The following ZNF284 variants were observed in gnomAD, a reference collection of about 807,000 sequenced individuals.
The protein encoded by ZNF284 is zinc finger protein 284.
Under a neutral mutation model 12.9 loss-of-function variants are expected in ZNF284, and 12 were observed. That is an observed-to-expected ratio of 0.93 (90% CI 0.60 to 1.51). The LOEUF (loss-of-function observed/expected upper bound fraction) is 1.51, where lower values mean the gene tolerates loss of function less well. Ranked by LOEUF, ZNF284 falls within the 40% of genes most tolerant of loss-of-function variation. The pLI, the probability that ZNF284 is intolerant of heterozygous loss-of-function variation, is 0.00. For synonymous variants in ZNF284, 225 were observed against 236.5 expected, an observed-to-expected ratio of 0.95 and a Z score of 0.45; for missense variants, 667 against 707.3, an observed-to-expected ratio of 0.94 and a Z score of 0.65.
At chr19:44,078,391 A>T (rs1379213609) in intron 2 of ZNF284, among the ~76,000 whole-genome samples, 2 of 152,212 alleles carry the variant, frequency 1.3e-5, no homozygotes, top group Non-Finnish European at 2.9e-5. Context: ...TTGAGATCTG[A>T]CATATATGAT....
intron 4 of ZNF284, among the ~76,000 whole-genome samples, chr19:44,083,504 G>GTATATATATATAT (rs1568522612): frequency 1.1e-5 from 1 of 88,102 alleles, no homozygotes; most frequent in South Asian, 4.5e-4. Flanking sequence ...GAGAGAGAGG[G>GTATATATATATAT]AATGGAATAC....
intron 4 of ZNF284, 143 bp from the exon 5 acceptor site, chr19:44,085,571 C>T (rs963900679): frequency 9.9e-6 from 7 of 710,526 alleles, no homozygotes; most frequent in Admixed American, 6.1e-5. Flanking sequence ...TTCGTGACAA[C>T]GAGAGACCGT....
chr19:44,084,047 T>C (rs1216931380), intron 4 of ZNF284, among the ~76,000 whole-genome samples: 1 of 152,168 alleles, frequency 6.6e-6, no homozygotes, highest in African/African-American at 2.4e-5. Flanking sequence ...TGCTCATGCC[T>C]GGGGCAACCA....
At chr19:44,085,515 C>A (rs1389765877) in intron 4 of ZNF284, among the ~76,000 whole-genome samples, 199 bp from the exon 5 acceptor site, 2 of 152,122 alleles carry the variant, frequency 1.3e-5, no homozygotes, top group African/African-American at 2.4e-5. Flanking sequence ...TAAATTAAGT[C>A]TTTCATTTCT....
intron 2 of ZNF284, among the ~76,000 whole-genome samples, chr19:44,079,928 C>T (rs1335961617): frequency 6.6e-6 from 1 of 150,810 alleles, no homozygotes; most frequent in African/African-American, 2.4e-5. Context: ...AACTCCGTCT[C>T]AAAAAAAAGA....
chr19:44,086,459 A>G lies in ZNF284; in HGVS notation c.981A>G (p.Arg327=), dbSNP rs1229062075. The G allele has an allele frequency of 1.2e-6, 2 of 1,614,176 alleles. No individual in the cohort carries two copies. Among genetic ancestry groups the G allele is most frequent in the Non-Finnish European group, 1.7e-6 (2 of 1,180,036 alleles). ...CDTCSNSFGQ[R]SALNSHCMDH... ...CCTGTAGTAATAGCTTTGGTCAGAG[A>G]TCAGCACTTAATAGTCATTGCATGG... The change falls in exon 5 of 5, where the codon AGA becomes AGG. Residue 327 remains arginine, a synonymous_variant. Transcript: ENST00000421176.
intron 2 of ZNF284, among the ~76,000 whole-genome samples, chr19:44,076,885 T>TCTCGGCTCACTGCAAC (rs910754125): frequency 1.2e-4 from 18 of 151,412 alleles, no homozygotes; most frequent in Admixed American, 2.6e-4. Context: ...GGTGGCGCAA[T>TCTCGGCTCACTGCAAC]CTCGGCTCAC....
At chr19:44,078,830 G>A (rs1339548079) in intron 2 of ZNF284, among the ~76,000 whole-genome samples, 1 of 151,888 alleles carries the variant, frequency 6.6e-6, no homozygotes, top group African/African-American at 2.4e-5. Context: ...TTGCTGTGTT[G>A]CCCAGGCTGG....
rs142880841 is a variant in ZNF284, at chr19:44,087,767, CTT to C, written c.*524_*525del. On this transcript the variant is annotated 3_prime_UTR_variant, in exon 5 of 5. Transcript: ENST00000421176. Reference sequence around the variant, plus strand: ...CCACCACGCCCAGCTAATTTTTGTACTTTTTTTTTTTTTTTTTTGAGACAGAG... The same window carrying C: ...CCACCACGCCCAGCTAATTTTTGTACTTTTTTTTTTTTTTTTGAGACAGAG... The C allele has an allele frequency of 0.76, 93,215 of 122,522 alleles. 36,037 individuals are homozygous for C. Among genetic ancestry groups the C allele is most frequent in the Non-Finnish European group, 0.85 (49,617 of 58,428 alleles). 7.6% of individuals were successfully genotyped at this position (122,522 alleles called of 1,614,324 possible). A position where few individuals can be genotyped will look rare whatever the true frequency, so the allele number is the denominator to read the frequency against.
chr19:44,082,498 G>A (rs978523921), intron 4 of ZNF284, among the ~76,000 whole-genome samples: 3 of 152,126 alleles, frequency 2.0e-5, no homozygotes, highest in Admixed American at 6.5e-5. Flanking sequence ...TCCTGCCAAG[G>A]ACACTGTATT....
intron 4 of ZNF284, among the ~76,000 whole-genome samples, chr19:44,084,578 T>A (rs927162447): frequency 7.2e-5 from 11 of 152,084 alleles, no homozygotes; most frequent in African/African-American, 2.4e-4. Flanking sequence ...CTCTGGTGAG[T>A]GCACACACTT....
At chr19:44,075,247 T>A (rs1323000095) in intron 1 of ZNF284, among the ~76,000 whole-genome samples, 10 of 152,230 alleles carry the variant, frequency 6.6e-5, no homozygotes, top group African/African-American at 2.4e-4. Flanking sequence ...TTATGCATTG[T>A]CTTTATTGTC....
At position 44,076,303 on chromosome 19, in the gene ZNF284, C is replaced by CTT; in HGVS notation, c.-68-18_-68-17dup. 7.3e-7 allele frequency: 1 copy of CTT among 1,368,374 alleles called. No individual in the cohort carries two copies. Among genetic ancestry groups the CTT allele is most frequent in the South Asian group, 1.4e-5 (1 of 71,700 alleles). 84.8% of individuals were successfully genotyped at this position (1,368,374 alleles called of 1,614,324 possible). A position where few individuals can be genotyped will look rare whatever the true frequency, so the allele number is the denominator to read the frequency against. On this transcript the variant is annotated intron_variant, in intron 1 of 4. Coordinates refer to ENST00000421176, the MANE Select transcript of ZNF284 (RefSeq NM_001037813.4). ...TTCATGTCTCTTTTTTTTTTTTTGC[C>CTT]TTCCATGGCATGTTTCAGGCACAAT...
At chr19:44,076,502 C>A in intron 2 of ZNF284, 98 bp downstream of exon 2, 2 of 1,329,704 alleles carry the variant, frequency 1.5e-6, no homozygotes, top group Non-Finnish European at 2.1e-6. Flanking sequence ...AGGAGAACAA[C>A]AGTTATTTGT....
At position 44,086,962 on chromosome 19, in the gene ZNF284, A is replaced by G; in HGVS notation, c.1484A>G (p.Asn495Ser). 1 of 1,614,210 alleles carries G rather than the reference A, an allele frequency of 6.2e-7. No homozygotes were observed. Among genetic ancestry groups the G allele is most frequent in the Non-Finnish European group, 8.5e-7 (1 of 1,180,040 alleles). ...CEECGKRFTE[N>S]SKLRFHQRIH... ...GAGTGTGGGAAGAGGTTTACTGAGA[A>G]TTCAAAACTTCGTTTCCATCAAAGA... The change falls in exon 5 of 5, where the codon AAT becomes AGT. Residue 495 changes from asparagine to serine, a missense_variant. Physicochemically the swap from Asn to Ser is conservative, Grantham distance 46. Transcript: ENST00000421176.
chr19:44,085,949 T>A lies in ZNF284; in HGVS notation c.471T>A (p.Ser157Arg). 1 of 1,614,146 alleles carries A rather than the reference T, an allele frequency of 6.2e-7. No individual in the cohort carries two copies. Among genetic ancestry groups the A allele is most frequent in the Non-Finnish European group, 8.5e-7 (1 of 1,179,992 alleles). The change falls in exon 5 of 5, where the codon AGT becomes AGA. Residue 157 changes from serine (S) to arginine (R), a missense_variant. Physicochemically the swap from Ser to Arg is moderately radical, Grantham distance 110. Coordinates refer to ENST00000421176, the MANE Select transcript of ZNF284 (RefSeq NM_001037813.4). ...SEHGKCKKFF[S>R]DVSILDLHQQ... The stretch of plus-strand genomic sequence containing the variant: ...ATGGGAAGTGTAAAAAATTCTTCAG[T>A]GATGTCTCCATCCTTGATCTTCATC...
chr19:44,080,922 A>G (rs542751837), intron 2 of ZNF284, 93 bp from the exon 3 acceptor site: 5 of 1,457,600 alleles, frequency 3.4e-6, no homozygotes, highest in African/African-American at 2.8e-5. Context: ...ATCCACAGCA[A>G]CTTCTCACCC....
In ZNF284 at chr19:44,083,489, AGAGAGAGAGAGAGGG is replaced by A. The variant is rs1967166401; in HGVS notation, c.235+1385_235+1399del. Among the ~76,000 whole-genome samples the A allele has an allele frequency of 3.0e-5, 3 of 98,700 alleles. 1 individual carries two copies. Among genetic ancestry groups the A allele is most frequent in the South Asian group, 7.3e-4 (2 of 2,740 alleles). 64.8% of individuals were successfully genotyped at this position (98,700 alleles called of 152,430 possible). A position where few individuals can be genotyped will look rare whatever the true frequency, so the allele number is the denominator to read the frequency against. On this transcript the variant is annotated intron_variant, in intron 4 of 4. Coordinates refer to ENST00000421176, the MANE Select transcript of ZNF284 (RefSeq NM_001037813.4). ...TATATATATATAGAGAGAGAGAGAG[AGAGAGAGAGAGAGGG>A]AATGGAATACCATCCTATCTTTACC...
At chr19:44,082,469 A>G (rs1967145300) in intron 4 of ZNF284, among the ~76,000 whole-genome samples, 1 of 151,906 alleles carries the variant, frequency 6.6e-6, no homozygotes, top group Non-Finnish European at 1.5e-5. Context: ...GCCACGTTGT[A>G]CTCCCTGCTG....
Sources: allele counts gnomAD v4.1 joint callset (sites outside exome capture counted in the v4.1 genomes callset), GRCh38; gene constraint gnomAD v4.1.1; transcripts MANE v1.5; gene names NCBI Gene and HGNC (gene_info 2026-07-23, HGNC 2026-07-21).